The following WDR86 variants were observed in gnomAD, a reference collection of about 807,000 sequenced individuals.
The protein encoded by WDR86 is WD repeat-containing protein 86.
Under a neutral mutation model 36.5 loss-of-function variants are expected in WDR86, and 30 were observed. The observed-to-expected ratio is 0.82, with a 90% CI of 0.61 to 1.11. The LOEUF (loss-of-function observed/expected upper bound fraction) is 1.11. Among genes scored for constraint, WDR86 ranks in the 50% most tolerant of loss-of-function variants. The probability of loss-of-function intolerance (pLI) is 0.00; values close to 1 mark genes in which losing one functional copy is unlikely to be tolerated. For missense variants in WDR86, 545 were observed against 561.2 expected (o/e 0.97, Z 0.29); for synonymous variants, 255 against 252.9 (o/e 1.01, Z -0.08).
intron 1 of WDR86, among the ~76,000 whole-genome samples, chr7:151,402,947 C>T (rs991419814): frequency 6.6e-6 from 1 of 152,164 alleles, no homozygotes; most frequent in African/African-American, 2.4e-5. Flanking sequence ...ATACAGTTGC[C>T]CCCAATACCC....
In WDR86 at chr7:151,383,180, G is replaced by A. The variant is rs1010035116; in HGVS notation, c.863-1199C>T. 6.7e-5 allele frequency among the ~76,000 whole-genome samples: 9 copies of A among 134,538 alleles called. No individual in the cohort carries two copies. In the East Asian group the frequency reaches 9.9e-4, roughly 15 times the overall value. The allele number at this position is 134,538 out of a possible 152,430, so 88.3% of individuals were successfully genotyped here. ...TTAAAAAAAACGGGGCGGCGGGGTG[G>A]GGGGGGGGAGCTGGGCACAGTGGCT... On this transcript the variant is annotated intron_variant, in intron 4 of 5. Transcript: ENST00000334493.
chr7:151,395,753 G>A, intron 3 of WDR86, 23 bp downstream of exon 3: 2 of 1,530,066 alleles, frequency 1.3e-6, no homozygotes, highest in African/African-American at 1.4e-5. Flanking sequence ...CTGGCTGCTG[G>A]GCGGGGACCA....
Position 151,381,432 on chromosome 7 carries a change from C to A in WDR86, c.*150G>T, listed in dbSNP as rs1436003996. On this transcript the variant is annotated 3_prime_UTR_variant, in exon 6 of 6. Coordinates refer to ENST00000334493, the MANE Select transcript of WDR86 (RefSeq NM_198285.3). The surrounding 1 kb of genome is among the most constrained non-coding windows in gnomAD (Gnocchi z 4.8). ...GCGCCTCCTGGCCACCAAAGAAAAA[C>A]CAGACGCCTGCGACGGGCTCTCCTC... 4 of 1,491,622 alleles carry A rather than the reference C, an allele frequency of 2.7e-6. No homozygotes were observed. The highest frequency in any genetic ancestry group is 2.0e-4 in the Middle Eastern group (1 of 5,080). 92.4% of individuals were successfully genotyped at this position (1,491,622 alleles called of 1,614,324 possible). A position where few individuals can be genotyped will look rare whatever the true frequency, so the allele number is the denominator to read the frequency against.
Position 151,395,984 on chromosome 7 carries a change from C to G in WDR86, c.518G>C (p.Gly173Ala). 1.9e-6 allele frequency: 3 copies of G among 1,597,950 alleles called. No individual in the cohort carries two copies. Among genetic ancestry groups the G allele is most frequent in the Non-Finnish European group, 2.6e-6 (3 of 1,174,006 alleles). Residue 173 changes from glycine (G) to alanine (A), a missense_variant, in exon 3 of 6, where the codon GGC becomes GCC. By Grantham distance (60) the Gly-to-Ala change is moderately conservative. Transcript: ENST00000334493. ...GGLLVTGSTD[G>A]TAKVWQVASG... ...GGCCACCTGCCACACCTTGGCTGTG[C>G]CATCTGTGCTGCCGGTCACCAGAAG...
At position 151,385,183 on chromosome 7, in the gene WDR86, G is replaced by C. The variant is rs774672056; in HGVS notation, c.767C>G (p.Thr256Ser). 15 of 1,613,056 alleles carry C rather than the reference G, an allele frequency of 9.3e-6. No homozygotes were observed. In the South Asian group the frequency reaches 1.5e-4, roughly 17 times the overall value. The change falls in exon 4 of 6, where the codon ACC (threonine) becomes AGC (serine). Residue 256 changes from threonine (T) to serine (S), a missense_variant. Physicochemically the swap from Thr to Ser is moderately conservative, Grantham distance 58. Transcript: ENST00000334493. ...TGTGTCTGCCAGCCAGCACTTGACG[G>C]TCCTGTCCGCGCTGCCAGAGTACAC... is the stretch of plus-strand genomic sequence containing the variant. ...RLVYSGSADR[T>S]VKCWLADTGE...
In WDR86 at chr7:151,395,938, C is replaced by T. The variant is rs144952685; in HGVS notation, c.564G>A (p.Thr188=). The stretch of plus-strand genomic sequence containing the variant: ...GCACTGCACCCGTGTGGCCCCGCAG[C>T]GTCTGGTGGCAGCAGCCGCTGGCCA... ...WQVASGCCHQ[T]LRGHTGAVLC... is the part of the protein sequence containing the mutation. The change falls in exon 3 of 6, where the codon ACG becomes ACA. Residue 188 remains threonine, a synonymous_variant. Transcript: ENST00000334493. The T allele has an allele frequency of 3.8e-4, 598 of 1,593,116 alleles. 5 individuals carry two copies. The East Asian group carries it at 5.8e-3, about 15-fold the overall frequency.
chr7:151,397,968 C>A (rs1454322330), intron 2 of WDR86, among the ~76,000 whole-genome samples: 2 of 152,076 alleles, frequency 1.3e-5, no homozygotes, highest in Non-Finnish European at 2.9e-5. Context: ...ACAGGCCTGA[C>A]CTGGCTCTGA....
At chr7:151,378,497 G>A (rs1381619802), downstream of WDR86, 3 of 152,240 alleles carry the variant, frequency 2.0e-5, no homozygotes. Context: ...CCAGCTGTAG[G>A]TGTTGAAAGT....
At chr7:151,373,995 T>A, downstream of WDR86, 2 of 1,350,986 alleles carry the variant, frequency 1.5e-6, no homozygotes. Flanking sequence ...CTTTGGTTTT[T>A]TGGCTTTGCC....
intron 1 of WDR86, among the ~76,000 whole-genome samples, chr7:151,403,611 C>G (rs914011921): frequency 6.6e-6 from 1 of 152,108 alleles, no homozygotes; most frequent in Non-Finnish European, 1.5e-5. Flanking sequence ...TATACCAGGC[C>G]GCTAAGAAAA....
chr7:151,382,534 A>C (rs1442597869), intron 4 of WDR86, among the ~76,000 whole-genome samples: 1 of 152,158 alleles, frequency 6.6e-6, no homozygotes, highest in Non-Finnish European at 1.5e-5. Context: ...TCCAACTGCA[A>C]CCTGCATTTG....
intron 4 of WDR86, among the ~76,000 whole-genome samples, chr7:151,384,426 C>G (rs759129107): frequency 1.3e-5 from 2 of 152,258 alleles, no homozygotes; most frequent in African/African-American, 4.8e-5. Flanking sequence ...AGGACCAACT[C>G]AGCTAGAAGA....
chr7:151,370,644 T>G, the WDR86 span, among the ~76,000 whole-genome samples: 4 of 151,852 alleles, frequency 2.6e-5, no homozygotes, highest in African/African-American at 7.3e-5. Context: ...CTGCACCCAT[T>G]AACTCGTCAT....
downstream of WDR86, among the ~76,000 whole-genome samples, chr7:151,379,919 C>G (rs1054032450): frequency 6.6e-6 from 1 of 152,174 alleles, no homozygotes; most frequent in Admixed American, 6.5e-5. Flanking sequence ...CAGCACTGCC[C>G]GCAGGCAGCA....
chr7:151,371,040 G>A (rs912520641), downstream of WDR86, among the ~76,000 whole-genome samples: 5 of 152,146 alleles, frequency 3.3e-5, no homozygotes, highest in Non-Finnish European at 7.4e-5. Context: ...GTCTTTTAAA[G>A]TATAGTGGAG....
chr7:151,382,322 C>G (rs993058281), intron 4 of WDR86, among the ~76,000 whole-genome samples: 6 of 152,300 alleles, frequency 3.9e-5, no homozygotes, highest in African/African-American at 1.2e-4. Context: ...TCGCTTCCCC[C>G]CTACCTTCCG....
At chr7:151,374,846 C>T (rs1798135321), downstream of WDR86, among the ~76,000 whole-genome samples, 2 of 152,140 alleles carry the variant, frequency 1.3e-5, no homozygotes, top group Admixed American at 6.5e-5. Context: ...CTCTCGGCCC[C>T]GCAGGTCAGT....
At chr7:151,395,454 C>G (rs1333576182) in intron 3 of WDR86, among the ~76,000 whole-genome samples, 1 of 151,730 alleles carries the variant, frequency 6.6e-6, no homozygotes, top group Non-Finnish European at 1.5e-5. Context: ...TAGGGGGGCC[C>G]TAATCCAGTA....
At chr7:151,404,853 A>C (rs987750651) in intron 1 of WDR86, among the ~76,000 whole-genome samples, 1 of 152,132 alleles carries the variant, frequency 6.6e-6, no homozygotes, top group Non-Finnish European at 1.5e-5. Flanking sequence ...AGCAGCTCAG[A>C]GCTTCGGACC....
Sources: gnomAD v4.1 joint callset for allele counts (sites outside exome capture counted in the v4.1 genomes callset) on GRCh38, gnomAD v4.1.1 for gene constraint, Gnocchi (gnomAD v3.1) non-coding constraint, MANE v1.5 for transcripts, NCBI Gene and HGNC (gene_info 2026-07-23, HGNC 2026-07-21) for gene names.